The following RAB27B variants were observed in gnomAD, a reference collection of about 807,000 sequenced individuals.
RAB27B encodes the protein ras-related protein Rab-27B.
In RAB27B, 15 loss-of-function variants were observed where a neutral mutation model predicts 24.6. The observed-to-expected ratio is 0.61, with a 90% CI of 0.41 to 0.94. RAB27B has a LOEUF of 0.94. Ranked by LOEUF, RAB27B falls within the 40% of genes least tolerant of loss-of-function variation. The probability of loss-of-function intolerance (pLI) is 0.00; values close to 1 mark genes in which losing one functional copy is unlikely to be tolerated. For synonymous variants in RAB27B, 105 were observed against 92.5 expected (o/e 1.14, Z -0.78); for missense variants, 261 against 266.8 (o/e 0.98, Z 0.15).
intron 2 of RAB27B, among the ~76,000 whole-genome samples, chr18:54,739,545 T>C (rs958791469): frequency 1.1e-4 from 16 of 146,962 alleles, no homozygotes; most frequent in Admixed American, 4.1e-4. Flanking sequence ...TCTTTCTTTT[T>C]TTCTTTCTTT....
At chr18:54,807,554 T>C (rs1274983261) in intron 2 of RAB27B, among the ~76,000 whole-genome samples, 2 of 152,180 alleles carry the variant, frequency 1.3e-5, no homozygotes, top group East Asian at 3.9e-4. Context: ...ATTTCTTAGC[T>C]CTATCAATAT....
chr18:54,721,229 C>A (rs1261517015), intron 2 of RAB27B, among the ~76,000 whole-genome samples: 1 of 152,124 alleles, frequency 6.6e-6, no homozygotes, highest in Non-Finnish European at 1.5e-5. Flanking sequence ...TGTGTTCATA[C>A]ATTTGTTGAT....
intron 1 of RAB27B, among the ~76,000 whole-genome samples, chr18:54,839,793 C>T (rs1318320412): frequency 6.6e-6 from 1 of 152,082 alleles, no homozygotes; most frequent in Admixed American, 6.5e-5. Context: ...TTTAAAATTA[C>T]CCTGTACACA....
At chr18:54,821,389 A>G (rs542512107) in intron 2 of RAB27B, among the ~76,000 whole-genome samples, 2 of 152,174 alleles carry the variant, frequency 1.3e-5, no homozygotes, top group Non-Finnish European at 2.9e-5. Flanking sequence ...ATAAAAGAGG[A>G]TACAAACAAA....
At chr18:54,870,776 G>A (rs534571305) in intron 1 of RAB27B, among the ~76,000 whole-genome samples, 1 of 152,252 alleles carries the variant, frequency 6.6e-6, no homozygotes, top group East Asian at 1.9e-4. Flanking sequence ...CTGTGGTAAG[G>A]TTGAGAGATC....
At chr18:54,757,538 CTAATTT>C (rs1908046496) in intron 2 of RAB27B, among the ~76,000 whole-genome samples, 1 of 151,866 alleles carries the variant, frequency 6.6e-6, no homozygotes, top group African/African-American at 2.4e-5. Context: ...CTGTTGATAT[CTAATTT>C]TATTTACAAC....
chr18:54,885,550 T>G (rs1293592880), intron 4 of RAB27B, among the ~76,000 whole-genome samples: 1 of 152,160 alleles, frequency 6.6e-6, no homozygotes, highest in African/African-American at 2.4e-5. Context: ...CCTGTGCTAG[T>G]TTCTTCATTC....
At chr18:54,877,065 G>A (rs1912732012) in intron 1 of RAB27B, among the ~76,000 whole-genome samples, 1 of 152,136 alleles carries the variant, frequency 6.6e-6, no homozygotes, top group African/African-American at 2.4e-5. Flanking sequence ...TAATCCTGGG[G>A]GCATTTATCC....
chr18:54,875,688 A>T (rs1456375430), intron 1 of RAB27B, among the ~76,000 whole-genome samples: 2 of 152,198 alleles, frequency 1.3e-5, no homozygotes, highest in African/African-American at 2.4e-5. Context: ...AAAAAGCATT[A>T]ATTCATGAAA....
At chr18:54,875,273 G>C (rs1912646900) in intron 1 of RAB27B, among the ~76,000 whole-genome samples, 1 of 152,128 alleles carries the variant, frequency 6.6e-6, no homozygotes, top group African/African-American at 2.4e-5. Context: ...GCTGCAGTGA[G>C]CCCTGATCAT....
At chr18:54,781,136 G>T (rs1393059900) in intron 2 of RAB27B, among the ~76,000 whole-genome samples, 1 of 152,036 alleles carries the variant, frequency 6.6e-6, no homozygotes, top group Non-Finnish European at 1.5e-5. Context: ...GCTAGCTGTG[G>T]CTCCCTCCTA....
At chr18:54,887,212 C>T (rs1285989197) in intron 4 of RAB27B, among the ~76,000 whole-genome samples, 2 of 151,496 alleles carry the variant, frequency 1.3e-5, no homozygotes, top group Admixed American at 6.6e-5. Context: ...ATCATCATTT[C>T]GGAGGTTAGA....
At position 54,891,802 on chromosome 18, in the gene RAB27B, T is replaced by A. The variant is rs911483301; in HGVS notation, c.*2389T>A. 2 of 152,086 alleles carry A rather than the reference T, an allele frequency of 1.3e-5. No homozygotes were observed. The highest frequency in any genetic ancestry group is 2.4e-5 in the African/African-American group (1 of 41,422). 9.4% of individuals were successfully genotyped at this position (152,086 alleles called of 1,614,324 possible). ...TGTAGCATGAAGCAGAGGTTGATGA[T>A]GCCCATAATTGCAAGACTATTCCTG... On this transcript the variant is annotated 3_prime_UTR_variant, in exon 6 of 6. Transcript: ENST00000262094.
At chr18:54,828,747 A>T (rs1471900553) in intron 1 of RAB27B, 47 bp downstream of exon 1, 1 of 152,232 alleles carries the variant, frequency 6.6e-6, no homozygotes, top group Non-Finnish European at 1.5e-5. Context: ...GTTCCCACCC[A>T]CCCGGGTGCT....
chr18:54,824,443 C>T (rs902024623), upstream of RAB27B, among the ~76,000 whole-genome samples: 2 of 152,142 alleles, frequency 1.3e-5, no homozygotes, highest in African/African-American at 4.8e-5. Context: ...ATGTGGTAGT[C>T]CAATGTGTGG....
At chr18:54,831,984 C>T (rs928031139) in intron 1 of RAB27B, among the ~76,000 whole-genome samples, 5 of 152,078 alleles carry the variant, frequency 3.3e-5, no homozygotes, top group Admixed American at 6.5e-5. Context: ...CCATGTTGGT[C>T]GGGATAATCT....
At chr18:54,748,219 A>G (rs1910317046) in intron 2 of RAB27B, among the ~76,000 whole-genome samples, 1 of 152,200 alleles carries the variant, frequency 6.6e-6, no homozygotes, top group African/African-American at 2.4e-5. Context: ...TTAAGAATTT[A>G]CACATTTCCT....
At chr18:54,744,340 C>T (rs1173964682) in intron 2 of RAB27B, among the ~76,000 whole-genome samples, 1 of 152,044 alleles carries the variant, frequency 6.6e-6, no homozygotes, top group Non-Finnish European at 1.5e-5. Context: ...TTTTTATTTT[C>T]CTTTAAGATT....
At chr18:54,796,723 T>C (rs1391062360) in intron 2 of RAB27B, among the ~76,000 whole-genome samples, 1 of 152,206 alleles carries the variant, frequency 6.6e-6, no homozygotes, top group East Asian at 1.9e-4. Context: ...TATGAGGGCA[T>C]GGAAGGCCAG....
Sources: gnomAD v4.1 joint callset for allele counts (sites outside exome capture counted in the v4.1 genomes callset) on GRCh38, gnomAD v4.1.1 for gene constraint, MANE v1.5 for transcripts, NCBI Gene and HGNC (gene_info 2026-07-23, HGNC 2026-07-21) for gene names.